COL5A2: variants seen among roughly 807,000 people sequenced by gnomAD.
The protein encoded by COL5A2 is collagen alpha-2(V) chain.
Under a neutral mutation model 208.2 loss-of-function variants are expected in COL5A2, and 23 were observed. That is an observed-to-expected ratio of 0.11 (90% CI 0.08 to 0.16). COL5A2 has a LOEUF of 0.16. Among genes scored for constraint, COL5A2 ranks in the 10% least tolerant of loss-of-function variants. COL5A2 has a pLI of 1.00. For missense variants in COL5A2, 1,590 were observed against 1,956.4 expected (o/e 0.81, Z 3.53); for synonymous variants, 625 against 628.5 (o/e 0.99, Z 0.08).
At chr2:189,292,906 AT>A in the COL5A2 span, among the ~76,000 whole-genome samples, 4 of 152,320 alleles carry the variant, frequency 2.6e-5, no homozygotes, top group African/African-American at 9.6e-5. Flanking sequence ...CATATACACC[AT>A]GGAATACTAT....
chr2:189,095,012 G>A (rs1388859665), intron 6 of COL5A2: 3 of 151,978 alleles, frequency 2.0e-5, no homozygotes, highest in Non-Finnish European at 4.4e-5. Context: ...GGCATCTAGT[G>A]GGTAGATACC....
chr2:189,298,827 A>G, the COL5A2 span, among the ~76,000 whole-genome samples: 1 of 152,178 alleles, frequency 6.6e-6, no homozygotes, highest in African/African-American at 2.4e-5. Context: ...CACTGCATGT[A>G]TGACACTTTC....
chr2:189,103,747 G>A (rs189933286), intron 3 of COL5A2, among the ~76,000 whole-genome samples: 1 of 151,950 alleles, frequency 6.6e-6, no homozygotes, highest in Non-Finnish European at 1.5e-5. Flanking sequence ...GGGAGAGGAG[G>A]GGAAGAAATG....
chr2:189,198,322 T>C (rs1029712545), intron 1 of COL5A2, among the ~76,000 whole-genome samples: 5 of 152,228 alleles, frequency 3.3e-5, no homozygotes, highest in African/African-American at 1.2e-4. Context: ...CAATCATTTA[T>C]GTTTTGCAGT....
chr2:189,299,992 G>C, the COL5A2 span, among the ~76,000 whole-genome samples: 1 of 152,018 alleles, frequency 6.6e-6, no homozygotes, highest in Non-Finnish European at 1.5e-5. Flanking sequence ...ATATACTGGC[G>C]GCAGTTCTCA....
the COL5A2 span, among the ~76,000 whole-genome samples, chr2:189,431,679 A>G: frequency 6.6e-6 from 1 of 152,210 alleles, no homozygotes; most frequent in African/African-American, 2.4e-5. Flanking sequence ...CAAAGCCTCC[A>G]AGAAATATGG....
At chr2:189,241,402 G>A in the COL5A2 span, among the ~76,000 whole-genome samples, 1 of 152,118 alleles carries the variant, frequency 6.6e-6, no homozygotes, top group Non-Finnish European at 1.5e-5. Flanking sequence ...AATGAACATT[G>A]CTCTGTGTTA....
chr2:189,237,661 C>A, the COL5A2 span, among the ~76,000 whole-genome samples: 2 of 151,700 alleles, frequency 1.3e-5, no homozygotes, highest in Non-Finnish European at 2.9e-5. Context: ...GTGATTTTGG[C>A]AATATATCCA....
At chr2:189,440,723 A>G in the COL5A2 span, among the ~76,000 whole-genome samples, 129,511 of 151,758 alleles carry the variant, frequency 0.85, 56,406 homozygotes, top group Non-Finnish European at 0.95. Flanking sequence ...AAACATGTTG[A>G]GATTTTAGGG....
chr2:189,039,561 G>T lies in COL5A2; in HGVS notation c.3636C>A (p.Gly1212=), dbSNP rs1285894772. 6.2e-7 allele frequency: 1 copy of T among 1,612,956 alleles called. No homozygotes were observed. Among genetic ancestry groups the T allele is most frequent in the South Asian group, 1.1e-5 (1 of 90,984 alleles). ...CAGGTGGGCCAGGCTCACCAGGAGG[G>T]CCCTAATTAAAAAGAGATTGGAAAG... ...RGSVGEAGPE[G]PPGEPGPPGP... The change falls in exon 51 of 54, where the codon GGC becomes GGA. Residue 1212 remains glycine (G), a splice_region_variant and synonymous_variant. Coordinates refer to ENST00000374866, the MANE Select transcript of COL5A2 (RefSeq NM_000393.5).
At chr2:189,436,399 T>C in the COL5A2 span, among the ~76,000 whole-genome samples, 1 of 151,930 alleles carries the variant, frequency 6.6e-6, no homozygotes, top group South Asian at 2.1e-4. Flanking sequence ...CGGGGAGGTA[T>C]AGCATTAGGA....
upstream of COL5A2, among the ~76,000 whole-genome samples, chr2:189,180,589 A>G (rs1171076615): frequency 6.6e-6 from 1 of 152,142 alleles, no homozygotes; most frequent in Admixed American, 6.5e-5. Flanking sequence ...ATAGTCCTTT[A>G]TCTCTGTGCA....
At chr2:189,368,708 G>T in the COL5A2 span, among the ~76,000 whole-genome samples, 1 of 152,130 alleles carries the variant, frequency 6.6e-6, no homozygotes, top group African/African-American at 2.4e-5. Flanking sequence ...CATAAATGGT[G>T]AAAGGAACTG....
the COL5A2 span, among the ~76,000 whole-genome samples, chr2:189,315,478 A>G: frequency 5.9e-5 from 9 of 152,206 alleles, no homozygotes; most frequent in African/African-American, 1.7e-4. Flanking sequence ...CCAACATCAC[A>G]CTGAATGGGC....
chr2:189,089,854 G>A (rs978503988), intron 7 of COL5A2, among the ~76,000 whole-genome samples: 35 of 152,122 alleles, frequency 2.3e-4, no homozygotes, highest in Admixed American at 1.8e-3. Flanking sequence ...TAAATATTGT[G>A]TGTGTTGTTC....
intron 1 of COL5A2, among the ~76,000 whole-genome samples, chr2:189,165,442 C>A (rs938809443): frequency 2.0e-5 from 3 of 152,204 alleles, no homozygotes; most frequent in Admixed American, 2.0e-4. Context: ...GCTCCCTTAT[C>A]CTTCCTCCTA....
the COL5A2 span, among the ~76,000 whole-genome samples, chr2:189,373,706 G>A: frequency 2.0e-5 from 3 of 152,044 alleles, no homozygotes; most frequent in African/African-American, 7.2e-5. Flanking sequence ...ATATACTTTG[G>A]GTCTCACAAT....
chr2:189,086,603 G>C, intron 9 of COL5A2, 123 bp downstream of exon 9: 1 of 696,280 alleles, frequency 1.4e-6, no homozygotes, highest in South Asian at 1.8e-5. Context: ...CCTGTTTGAA[G>C]TGAGCATTAC....
chr2:189,344,962 C>T, the COL5A2 span, among the ~76,000 whole-genome samples: 1 of 152,286 alleles, frequency 6.6e-6, no homozygotes, highest in South Asian at 2.1e-4. Context: ...CAGACTAGGT[C>T]CCGCTACTCA....
Sources: allele counts gnomAD v4.1 joint callset (sites outside exome capture counted in the v4.1 genomes callset), GRCh38; gene constraint gnomAD v4.1.1; transcripts MANE v1.5; gene names NCBI Gene and HGNC (gene_info 2026-07-23, HGNC 2026-07-21).